The following ZNF136 variants were observed in gnomAD, a reference collection of about 807,000 sequenced individuals.
The protein encoded by ZNF136 is zinc finger protein 136, also known as zinc finger protein 136 (clone pHZ-20).
In ZNF136, 8 loss-of-function variants were observed where a neutral mutation model predicts 11.4. The observed-to-expected ratio is 0.70, with a 90% CI of 0.41 to 1.27. ZNF136 has a LOEUF of 1.27. Among genes scored for constraint, ZNF136 ranks in the 50% most tolerant of loss-of-function variants. The probability of loss-of-function intolerance (pLI) is 0.01; values close to 1 mark genes in which losing one functional copy is unlikely to be tolerated. For missense variants in ZNF136, 590 were observed against 656.5 expected, an observed-to-expected ratio of 0.90 and a Z score of 1.11; for synonymous variants, 190 against 207.1, an observed-to-expected ratio of 0.92 and a Z score of 0.71.
At chr19:12,179,451 C>A (rs1914886545) in intron 1 of ZNF136, among the ~76,000 whole-genome samples, 1 of 151,984 alleles carries the variant, frequency 6.6e-6, no homozygotes, top group African/African-American at 2.4e-5. Context: ...GCTGGGATTA[C>A]AGGCACAGGT....
At position 12,186,794 on chromosome 19, in the gene ZNF136, C is replaced by T. The variant is rs1281473413; in HGVS notation, c.416C>T (p.Pro139Leu). The T allele has an allele frequency of 6.2e-7, 1 of 1,614,034 alleles. No homozygotes were observed. The highest frequency in any genetic ancestry group is 1.3e-5 in the African/African-American group (1 of 74,940). Residue 139 changes from proline (P) to leucine (L), a missense_variant, in exon 4 of 4, where the codon CCA becomes CTA. Transcript: ENST00000343979. ...PKEYQEYGEK[P>L]DTRNQCWKPF... ...GAATATCAGGAATATGGAGAGAAGC[C>T]AGATACACGTAACCAGTGTTGGAAA...
At chr19:12,184,863 A>G (rs1194096466) in intron 1 of ZNF136, 3 of 152,172 alleles carry the variant, frequency 2.0e-5, no homozygotes, top group African/African-American at 7.2e-5. Flanking sequence ...CTACTCTTAC[A>G]TAGGTCATTG....
intron 1 of ZNF136, chr19:12,164,614 TTG>T (rs1037951376): frequency 6.6e-6 from 1 of 152,256 alleles, no homozygotes. Context: ...GGCTAATTTT[TTG>T]TGTTTTTAGT....
At chr19:12,185,628 G>A (rs1332927831) in intron 1 of ZNF136, 157 bp from the exon 2 acceptor site, 3 of 859,378 alleles carry the variant, frequency 3.5e-6, no homozygotes, top group Non-Finnish European at 5.2e-6. Context: ...ATTCTAGTAT[G>A]AGAGTTGCTG....
chr19:12,163,751 A>G (rs1438877847), intron 1 of ZNF136: 3 of 153,094 alleles, frequency 2.0e-5, no homozygotes, highest in East Asian at 1.9e-4. Context: ...CCTATATTCT[A>G]CATTTCAGAT....
intron 1 of ZNF136, among the ~76,000 whole-genome samples, chr19:12,181,130 T>G (rs1275692202): frequency 6.6e-6 from 1 of 152,222 alleles, no homozygotes; most frequent in African/African-American, 2.4e-5. Context: ...GCCCTGGCTC[T>G]GTGCTCTGTG....
In ZNF136 at chr19:12,187,553, A is replaced by G. The variant is rs776220384; in HGVS notation, c.1175A>G (p.Tyr392Cys). The G allele has an allele frequency of 1.7e-5, 28 of 1,613,866 alleles. No homozygotes were observed. The highest frequency in any genetic ancestry group is 2.4e-5 in the Non-Finnish European group (28 of 1,179,978). Residue 392 changes from tyrosine (Y) to cysteine (C), a missense_variant, in exon 4 of 4, where the codon TAT (tyrosine) becomes TGT (cysteine). By Grantham distance (194) the Tyr-to-Cys change is radical (BLOSUM62 -2). Transcript: ENST00000343979. ...ATAAAACATACTGGAGAAGGACCTT[A>G]TAAATGTAAGGTATGTGGGAAACCC... ...HMIKHTGEGP[Y>C]KCKVCGKPFH... is the part of the protein sequence containing the mutation.
chr19:12,179,299 ATTTC>A (rs1279468160), intron 1 of ZNF136, among the ~76,000 whole-genome samples: 2 of 150,574 alleles, frequency 1.3e-5, no homozygotes, highest in Non-Finnish European at 3.0e-5. Flanking sequence ...GCTCAAAAGA[ATTTC>A]TTTTTTTTTT....
Position 12,189,371 on chromosome 19 carries a change from CAG to C in ZNF136, c.*1371_*1372del, listed in dbSNP as rs1915198466. The C allele has an allele frequency of 6.6e-6, 1 of 151,698 alleles. No individual in the cohort carries two copies. The highest frequency in any genetic ancestry group is 6.6e-5 in the Admixed American group (1 of 15,212). 9.4% of individuals were successfully genotyped at this position (151,698 alleles called of 1,614,324 possible). A position where few individuals can be genotyped will look rare whatever the true frequency, so the allele number is the denominator to read the frequency against. ...TCTTTCTTCTTTTTTCTTTTTGAGA[CAG>C]GGTCTCGCTCTGTGCTCTGTTGCCC... On this transcript the variant is annotated 3_prime_UTR_variant, in exon 4 of 4. Coordinates refer to ENST00000343979, the MANE Select transcript of ZNF136 (RefSeq NM_003437.5).
chr19:12,163,759 G>T (rs1462242110), intron 1 of ZNF136: 1 of 152,812 alleles, frequency 6.5e-6, no homozygotes, highest in East Asian at 1.9e-4. Context: ...CTACATTTCA[G>T]ATATTGTGCT....
chr19:12,189,702 G>C lies in ZNF136; in HGVS notation c.*1701G>C, dbSNP rs1475484108. 1 of 151,978 alleles carries C rather than the reference G, an allele frequency of 6.6e-6. No individual in the cohort carries two copies. Among genetic ancestry groups the C allele is most frequent in the Admixed American group, 6.6e-5 (1 of 15,260 alleles). The allele number at this position is 151,978 out of a possible 1,614,324, so 9.4% of individuals were successfully genotyped here. On this transcript the variant is annotated 3_prime_UTR_variant, in exon 4 of 4. Transcript: ENST00000343979. ...TAATTTTATTTTGCTTCCTATTAAA[G>C]AGTTGTTGTTAATTCTAAGTATGTA...
chr19:12,170,836 ATT>A (rs1195624356), intron 1 of ZNF136, among the ~76,000 whole-genome samples: 6 of 133,730 alleles, frequency 4.5e-5, no homozygotes, highest in Non-Finnish European at 8.1e-5. Flanking sequence ...CACCCAGCTA[ATT>A]TTTTTTTTTT....
At chr19:12,163,622 T>G in intron 1 of ZNF136, 1 of 192,696 alleles carries the variant, frequency 5.2e-6, no homozygotes, top group Non-Finnish European at 1.1e-5. Flanking sequence ...AAATCCTCAC[T>G]CTGTCCCCCA....
intron 1 of ZNF136, 112 bp from the exon 2 acceptor site, chr19:12,185,673 G>A (rs542596485): frequency 7.3e-7 from 1 of 1,374,266 alleles, no homozygotes; most frequent in African/African-American, 1.5e-5. Flanking sequence ...CCAAACAGTG[G>A]AGTAAATGTT....
At position 12,187,459 on chromosome 19, in the gene ZNF136, GA is replaced by G; in HGVS notation, c.1086del (p.Lys362AsnfsTer22). 6.2e-7 allele frequency: 1 copy of G among 1,613,548 alleles called. No individual in the cohort carries two copies. Among genetic ancestry groups the G allele is most frequent in the South Asian group, 1.1e-5 (1 of 91,056 alleles). ...AATACATGAAAGGACTCACACTGGA[GA>G]AAAACCTTATGAATGTAAGGAATGT... ...FQIHERTHTG[E>X]KPYECKECGE... is the part of the protein sequence containing the mutation. On this transcript the variant is annotated frameshift_variant, in exon 4 of 4. Transcript: ENST00000343979. LOFTEE classifies it low-confidence loss of function (END_TRUNC).
Position 12,187,214 on chromosome 19 carries a change from C to G in ZNF136, c.836C>G (p.Pro279Arg). The G allele has an allele frequency of 2.5e-6, 4 of 1,613,720 alleles. No homozygotes were observed. The highest frequency in any genetic ancestry group is 2.5e-6 in the Non-Finnish European group (3 of 1,179,952). ...VHERIHTGEK[P>R]FKCKQCGKAF... The stretch of plus-strand genomic sequence containing the variant: ...GAAAGAATTCACACTGGAGAAAAAC[C>G]CTTTAAATGTAAGCAATGTGGTAAA... The change falls in exon 4 of 4, where the codon CCC becomes CGC. Residue 279 changes from proline to arginine, a missense_variant. Coordinates refer to ENST00000343979, the MANE Select transcript of ZNF136 (RefSeq NM_003437.5).
chr19:12,168,212 A>G (rs559317927), intron 1 of ZNF136, among the ~76,000 whole-genome samples: 2 of 151,832 alleles, frequency 1.3e-5, no homozygotes, highest in Admixed American at 1.3e-4. Context: ...AGCTGGGATT[A>G]TAGGCGCACA....
Position 12,189,725 on chromosome 19 carries a change from G to GAAGCAAAA in ZNF136, c.*1724_*1725insAAGCAAAA, listed in dbSNP as rs1915208095. On this transcript the variant is annotated 3_prime_UTR_variant, in exon 4 of 4. Coordinates refer to ENST00000343979, the MANE Select transcript of ZNF136 (RefSeq NM_003437.5). The stretch of plus-strand genomic sequence containing the variant: ...AAGAGTTGTTGTTAATTCTAAGTAT[G>GAAGCAAAA]TAAAGTTTATCACAGACTGTAGTCT... The GAAGCAAAA allele has an allele frequency of 6.6e-6, 1 of 151,974 alleles. No individual in the cohort carries two copies. Among genetic ancestry groups the GAAGCAAAA allele is most frequent in the South Asian group, 2.1e-4 (1 of 4,816 alleles). 9.4% of individuals were successfully genotyped at this position (151,974 alleles called of 1,614,324 possible). A position where few individuals can be genotyped will look rare whatever the true frequency, so the allele number is the denominator to read the frequency against.
chr19:12,169,481 C>T (rs1484946496), intron 1 of ZNF136: 1 of 152,202 alleles, frequency 6.6e-6, no homozygotes. Flanking sequence ...TACATCTCCA[C>T]AGTGAGAGTG....
Sources: allele counts gnomAD v4.1 joint callset (sites outside exome capture counted in the v4.1 genomes callset), GRCh38; gene constraint gnomAD v4.1.1; transcripts MANE v1.5; gene names NCBI Gene and HGNC (gene_info 2026-07-23, HGNC 2026-07-21).